The following EFR3B variants were observed in gnomAD, a reference collection of about 807,000 sequenced individuals.
EFR3B encodes the protein protein EFR3 homolog B.
In EFR3B, 64 loss-of-function variants were observed where a neutral mutation model predicts 104.7. The ratio of observed to expected loss-of-function variants is 0.61; its 90% CI spans 0.50 to 0.75. The LOEUF is 0.75. Among genes scored for constraint, EFR3B ranks in the 30% least tolerant of loss-of-function variants. EFR3B has a pLI of 0.00. For missense variants in EFR3B, 750 were observed against 1,078.5 expected, an observed-to-expected ratio of 0.70 and a Z score of 4.27; for synonymous variants, 385 against 417.9, an observed-to-expected ratio of 0.92 and a Z score of 0.96.
intron 12 of EFR3B, 116 bp downstream of exon 12, chr2:25,133,550 C>T (rs1670440877): frequency 8.9e-7 from 1 of 1,125,766 alleles, no homozygotes; most frequent in South Asian, 1.3e-5. Flanking sequence ...ACAAATACAC[C>T]CAGTCGGTTG....
At position 25,048,205 on chromosome 2, in the gene EFR3B, G is replaced by T. The variant is rs544361082; in HGVS notation, c.7+5886G>T. 3.3e-5 allele frequency among the ~76,000 whole-genome samples: 5 copies of T among 152,068 alleles called. No homozygotes were observed. The South Asian group carries it at 6.2e-4, about 19-fold the overall frequency. On this transcript the variant is annotated intron_variant, in intron 1 of 22. Coordinates refer to ENST00000403714, the MANE Select transcript of EFR3B (RefSeq NM_014971.2). Reference sequence around the variant, plus strand: ...TAATTTTCTGTGTTTTGTAGGATGGGGTCCCGCTATATTGCCTAGGCTGGT... The same window carrying T: ...TAATTTTCTGTGTTTTGTAGGATGGTGTCCCGCTATATTGCCTAGGCTGGT...
intron 4 of EFR3B, among the ~76,000 whole-genome samples, chr2:25,117,627 G>A (rs1461947273): frequency 6.6e-6 from 1 of 152,056 alleles, no homozygotes; most frequent in Non-Finnish European, 1.5e-5. Context: ...GGGCAGGCTG[G>A]TCTCGAACTC....
chr2:25,124,745 A>T, intron 5 of EFR3B, among the ~76,000 whole-genome samples: 1 of 144,506 alleles, frequency 6.9e-6, no homozygotes, highest in African/African-American at 2.6e-5. Context: ...TCTCAAAAAA[A>T]AAAAAAAAAA....
chr2:25,076,796 C>T (rs1450977274), intron 1 of EFR3B, among the ~76,000 whole-genome samples: 1 of 152,136 alleles, frequency 6.6e-6, no homozygotes, highest in Admixed American at 6.5e-5. Flanking sequence ...TCAGATTAAC[C>T]AAGATTGGCC....
chr2:25,067,579 C>T (rs1352166214), intron 1 of EFR3B, among the ~76,000 whole-genome samples: 2 of 151,940 alleles, frequency 1.3e-5, no homozygotes, highest in Admixed American at 6.6e-5. Context: ...GGACTACAGG[C>T]GCCTGCCACC....
At chr2:25,090,703 C>A (rs191104753) in intron 1 of EFR3B, among the ~76,000 whole-genome samples, 6 of 152,122 alleles carry the variant, frequency 3.9e-5, no homozygotes, top group African/African-American at 1.4e-4. Flanking sequence ...AAATGTGAAT[C>A]GTTGATGATG....
intron 1 of EFR3B, among the ~76,000 whole-genome samples, chr2:25,053,630 C>T (rs928881214): frequency 6.6e-6 from 1 of 152,314 alleles, no homozygotes; most frequent in Middle Eastern, 3.4e-3. Flanking sequence ...CCTGGCCAGG[C>T]GCGGTGGCTC....
intron 4 of EFR3B, among the ~76,000 whole-genome samples, chr2:25,116,259 G>A (rs1211983963): frequency 2.0e-5 from 3 of 152,154 alleles, no homozygotes; most frequent in Admixed American, 1.3e-4. Flanking sequence ...GTTACTCCAG[G>A]AGCTCAGGGA....
intron 19 of EFR3B, chr2:25,147,852 C>G (rs1670860248): frequency 6.6e-6 from 1 of 151,970 alleles, no homozygotes; most frequent in Non-Finnish European, 1.5e-5. Context: ...GAAACCCCGT[C>G]TTTACTAAAA....
rs998108531 is a variant in EFR3B, at chr2:25,042,165, G to GC, written c.-143dup. On this transcript the variant is annotated 5_prime_UTR_variant, in exon 1 of 23. It introduces an in-frame stop codon into an upstream open reading frame of the 5' UTR. Transcript: ENST00000403714. This position sits in a 1 kb window ranked among gnomAD's most constrained non-coding sequence, Gnocchi z 5.4. ...CCCGGCTCCGTCCTGCCCGCGGCCG[G>GC]CCCCCGCGTCTGCTCCCTCCCCGCC... 1.3e-6 allele frequency: 1 copy of GC among 758,880 alleles called. No individual in the cohort carries two copies. Among genetic ancestry groups the GC allele is most frequent in the African/African-American group, 1.9e-5 (1 of 54,020 alleles). 47.0% of individuals were successfully genotyped at this position (758,880 alleles called of 1,614,324 possible).
chr2:25,061,305 G>T (rs1489424027), intron 1 of EFR3B, among the ~76,000 whole-genome samples: 2 of 151,758 alleles, frequency 1.3e-5, no homozygotes, highest in African/African-American at 4.8e-5. Context: ...TAGAGACGGG[G>T]TTTCACCATG....
intron 3 of EFR3B, among the ~76,000 whole-genome samples, chr2:25,102,920 T>C (rs1300380227): frequency 6.6e-6 from 1 of 152,234 alleles, no homozygotes; most frequent in East Asian, 1.9e-4. Context: ...CCAAACATAG[T>C]AATGCTGCCA....
chr2:25,124,277 AGTGTGTGTGTGTGTGTGT>A lies in EFR3B; in HGVS notation c.485+2521_485+2538del, dbSNP rs5829961. Among the ~76,000 whole-genome samples, 1,198 of 124,882 alleles carry A rather than the reference AGTGTGTGTGTGTGTGTGT, an allele frequency of 9.6e-3. 16 individuals carry two copies. Among genetic ancestry groups the A allele is most frequent in the African/African-American group, 0.028 (934 of 33,696 alleles). 81.9% of individuals were successfully genotyped at this position (124,882 alleles called of 152,430 possible). Reference sequence around the variant, plus strand: ...GTCCAGCAGTGGGCCTGTGCATGCAAGTGTGTGTGTGTGTGTGTGTGTGTGTGTGTGTGTGTGTGTGTG... The same window carrying A: ...GTCCAGCAGTGGGCCTGTGCATGCAAGTGTGTGTGTGTGTGTGTGTGTGTG... On this transcript the variant is annotated intron_variant, in intron 5 of 22. Transcript: ENST00000403714.
At chr2:25,139,566 G>A (rs904067321) in intron 16 of EFR3B, among the ~76,000 whole-genome samples, 1 of 150,842 alleles carries the variant, frequency 6.6e-6, no homozygotes, top group Non-Finnish European at 1.5e-5. Context: ...CTACAGCTAT[G>A]AAATACCGCA....
chr2:25,083,113 A>G (rs1430908116), intron 1 of EFR3B, among the ~76,000 whole-genome samples: 1 of 152,206 alleles, frequency 6.6e-6, no homozygotes, highest in Non-Finnish European at 1.5e-5. Context: ...GCAGCTACAT[A>G]CTAGGGAATT....
rs1016566562 is a variant in EFR3B, at chr2:25,131,623, C to T, written c.985+120C>T. On this transcript the variant is annotated intron_variant, in intron 9 of 22. Coordinates refer to ENST00000403714, the MANE Select transcript of EFR3B (RefSeq NM_014971.2). The surrounding 1 kb of genome is among the most constrained non-coding windows in gnomAD (Gnocchi z 7.6). ...TCCGTTTTCCTCGGGAGAAGTCCGC[C>T]AGGAAGTTGGGAGCGCAGAGGAAGC... The T allele has an allele frequency of 2.9e-5, 43 of 1,496,732 alleles. No individual in the cohort carries two copies. The highest frequency in any genetic ancestry group is 3.8e-5 in the Non-Finnish European group (42 of 1,116,902). 92.7% of individuals were successfully genotyped at this position (1,496,732 alleles called of 1,614,324 possible).
chr2:25,057,017 C>T (rs1048229155), intron 1 of EFR3B, among the ~76,000 whole-genome samples: 1 of 152,152 alleles, frequency 6.6e-6, no homozygotes, highest in South Asian at 2.1e-4. Context: ...TTTTCCAGCT[C>T]TTCTGTCCTG....
At chr2:25,060,067 C>T (rs1218354745) in intron 1 of EFR3B, among the ~76,000 whole-genome samples, 11 of 150,348 alleles carry the variant, frequency 7.3e-5, no homozygotes, top group African/African-American at 1.5e-4. Flanking sequence ...TGTGGTGGCG[C>T]GGCCTGTAGT....
chr2:25,139,806 T>C (rs564032140), intron 16 of EFR3B, among the ~76,000 whole-genome samples: 2 of 152,344 alleles, frequency 1.3e-5, no homozygotes, highest in East Asian at 3.9e-4. Context: ...TTTCACTCTA[T>C]GTATATCCGT....
Sources: allele counts gnomAD v4.1 joint callset (sites outside exome capture counted in the v4.1 genomes callset), GRCh38; gene constraint gnomAD v4.1.1; non-coding constraint Gnocchi (gnomAD v3.1); transcripts MANE v1.5; gene names NCBI Gene and HGNC (gene_info 2026-07-23, HGNC 2026-07-21).